The following DNM2 variants were observed in gnomAD, a reference collection of about 807,000 sequenced individuals.
DNM2 encodes dynamin 2.
DNM2 carries 15 observed loss-of-function variants against 99.0 expected under a neutral mutation model. The observed-to-expected ratio is 0.15, with a 90% confidence interval of 0.10 to 0.23. DNM2 has a LOEUF of 0.23. Ranked by LOEUF, DNM2 falls within the 10% of genes least tolerant of loss-of-function variation. DNM2 has a pLI of 1.00. For missense variants in DNM2, 742 were observed against 1,189.4 expected (o/e 0.62, Z 5.53); for synonymous variants, 525 against 481.2 (o/e 1.09, Z -1.19).
At chr19:10,751,673 G>A (rs1435363505) in intron 1 of DNM2, among the ~76,000 whole-genome samples, 3 of 152,200 alleles carry the variant, frequency 2.0e-5, no homozygotes, top group African/African-American at 4.8e-5. Context: ...AAGCAAAATC[G>A]GATAAGTCCC....
intron 2 of DNM2, among the ~76,000 whole-genome samples, chr19:10,761,811 G>A (rs559193457): frequency 6.6e-6 from 1 of 152,122 alleles, no homozygotes; most frequent in Non-Finnish European, 1.5e-5. Flanking sequence ...GCAAGAAGGC[G>A]TGTCTCCAGT....
At chr19:10,758,096 C>T (rs1243369654) in intron 1 of DNM2, among the ~76,000 whole-genome samples, 1 of 152,100 alleles carries the variant, frequency 6.6e-6, no homozygotes, top group Non-Finnish European at 1.5e-5. Context: ...TTTCATTTTC[C>T]TTTCTGAGTG....
At chr19:10,821,909 A>G (rs146528046) in intron 16 of DNM2, among the ~76,000 whole-genome samples, 2 of 152,318 alleles carry the variant, frequency 1.3e-5, no homozygotes, top group African/African-American at 4.8e-5. Flanking sequence ...AGGCAGCAGC[A>G]GGAAGGAGAG....
rs373161548 is a variant in DNM2, at chr19:10,831,026, C to G, written c.2592C>G (p.Ala864=). 2.5e-6 allele frequency: 4 copies of G among 1,610,920 alleles called. No individual in the cohort carries two copies. Among genetic ancestry groups the G allele is most frequent in the Admixed American group, 1.7e-5 (1 of 59,788 alleles). Reference sequence around the variant, plus strand: ...GCCGGCCCACCATTATCCGCCCAGCCGAGCCATCCCTGCTCGACTAGGCCT... The same window carrying G: ...GCCGGCCCACCATTATCCGCCCAGCGGAGCCATCCCTGCTCGACTAGGCCT... ...APSRPTIIRP[A]EPSLLD The change falls in exon 21 of 21, where the codon GCC becomes GCG. Residue 864 remains alanine (A), a synonymous_variant. Coordinates refer to ENST00000389253, the MANE Select transcript of DNM2 (RefSeq NM_001005361.3). The surrounding 1 kb of genome is among the most constrained non-coding windows in gnomAD (Gnocchi z 4.3).
intron 1 of DNM2, among the ~76,000 whole-genome samples, chr19:10,745,876 TGGA>T (rs1181381215): frequency 6.6e-6 from 1 of 152,158 alleles, no homozygotes; most frequent in Non-Finnish European, 1.5e-5. Flanking sequence ...TGGAAATACT[TGGA>T]GGAGATGAGA....
At chr19:10,722,623 G>A (rs1307239521) in intron 1 of DNM2, among the ~76,000 whole-genome samples, 3 of 151,976 alleles carry the variant, frequency 2.0e-5, no homozygotes, top group African/African-American at 7.3e-5. Flanking sequence ...GATTACAGGC[G>A]TGAGCCACCG....
intron 1 of DNM2, among the ~76,000 whole-genome samples, chr19:10,753,119 G>A: frequency 6.6e-6 from 1 of 152,162 alleles, no homozygotes; most frequent in East Asian, 1.9e-4. Flanking sequence ...GTGAGACCCT[G>A]TCTCTATTTA....
intron 1 of DNM2, among the ~76,000 whole-genome samples, chr19:10,752,152 T>C (rs1433070301): frequency 6.6e-6 from 1 of 152,112 alleles, no homozygotes; most frequent in Non-Finnish European, 1.5e-5. Flanking sequence ...AGGGAAGGAA[T>C]GTGAGCTGGT....
chr19:10,766,553 C>T (rs1269071007), intron 2 of DNM2, among the ~76,000 whole-genome samples: 1 of 152,002 alleles, frequency 6.6e-6, no homozygotes, highest in African/African-American at 2.4e-5. Flanking sequence ...TGATGTCCTC[C>T]TAGGTTAGAG....
Position 10,734,724 on chromosome 19 carries a change from T to A in DNM2, c.161+16321T>A, listed in dbSNP as rs535261312. ...CATATGAGACTAATTTAAAAAAAAATTTTTTTTTTTTATCGAGATGGGGGT... is the reference window on the plus strand; with the variant it reads ...CATATGAGACTAATTTAAAAAAAAAATTTTTTTTTTTATCGAGATGGGGGT... On this transcript the variant is annotated intron_variant, in intron 1 of 20. Transcript: ENST00000389253. Among the ~76,000 whole-genome samples the A allele has an allele frequency of 1.2e-3, 173 of 144,672 alleles. 1 individual carries two copies. The highest frequency in any genetic ancestry group is 1.9e-3 in the Admixed American group (27 of 14,304). 94.9% of individuals were successfully genotyped at this position (144,672 alleles called of 152,430 possible). A position where few individuals can be genotyped will look rare whatever the true frequency, so the allele number is the denominator to read the frequency against.
chr19:10,754,308 T>C (rs1456994803), intron 1 of DNM2, among the ~76,000 whole-genome samples: 1 of 150,978 alleles, frequency 6.6e-6, no homozygotes, highest in Non-Finnish European at 1.5e-5. Flanking sequence ...CAGGCTGGAG[T>C]GCAGTGGCGC....
chr19:10,768,582 G>A (rs953369951), intron 2 of DNM2: 8 of 152,344 alleles, frequency 5.3e-5, no homozygotes, highest in Admixed American at 2.0e-4. Context: ...TGGCTGCCTG[G>A]TTCCAGCCCC....
chr19:10,794,806 C>T (rs7253140), intron 8 of DNM2, among the ~76,000 whole-genome samples: 1 of 152,050 alleles, frequency 6.6e-6, no homozygotes, highest in Non-Finnish European at 1.5e-5. Context: ...GTGGTGCATA[C>T]TGATAGTCTG....
At chr19:10,824,740 T>G in intron 17 of DNM2, 1 of 396,226 alleles carries the variant, frequency 2.5e-6, no homozygotes, top group Non-Finnish European at 4.8e-6. Context: ...CCCTGGGAGG[T>G]TGAGGCTGCG....
chr19:10,831,004 G>T lies in DNM2; in HGVS notation c.2570G>T (p.Arg857Leu). The change falls in exon 21 of 21, where the codon CGG (arginine) becomes CTG (leucine). Residue 857 changes from arginine to leucine, a missense_variant. Around this residue, in one of 7 missense-constraint regions of DNM2, gnomAD observed 187 missense variants for 218.8 expected, o/e 0.85. Coordinates refer to ENST00000389253, the MANE Select transcript of DNM2 (RefSeq NM_001005361.3). This position sits in a 1 kb window ranked among gnomAD's most constrained non-coding sequence, Gnocchi z 4.3. ...AGAAGACCCCCTGCTGCGCCCAGCC[G>T]GCCCACCATTATCCGCCCAGCCGAG... ...PSRRPPAAPS[R>L]PTIIRPAEPS... 6.2e-7 allele frequency: 1 copy of T among 1,611,362 alleles called. No homozygotes were observed. Among genetic ancestry groups the T allele is most frequent in the Non-Finnish European group, 8.5e-7 (1 of 1,178,966 alleles).
rs949491843 is a variant in DNM2, at chr19:10,764,916, C to T, written c.235+5105C>T. On this transcript the variant is annotated intron_variant, in intron 2 of 20. Transcript: ENST00000389253. The surrounding 1 kb of genome is among the most constrained non-coding windows in gnomAD (Gnocchi z 4.1). ...CTGGTCACTTGCCGCCTTCGTTCCC[C>T]GGTCCCCGGCAGCACGAGTTATCCT... Among the ~76,000 whole-genome samples, 1 of 152,096 alleles carries T rather than the reference C, an allele frequency of 6.6e-6. No homozygotes were observed. The highest frequency in any genetic ancestry group is 1.5e-5 in the Non-Finnish European group (1 of 68,006).
chr19:10,746,069 G>A (rs576167166), intron 1 of DNM2, among the ~76,000 whole-genome samples: 31 of 151,118 alleles, frequency 2.1e-4, no homozygotes, highest in African/African-American at 5.6e-4. Flanking sequence ...AGCGATTCTC[G>A]TGCCTCAGCC....
chr19:10,757,943 C>G (rs930625900), intron 1 of DNM2, among the ~76,000 whole-genome samples: 3 of 65,420 alleles, frequency 4.6e-5, no homozygotes, highest in African/African-American at 1.4e-4. Context: ...AGCTCTGTCT[C>G]AAAAAAAAAA....
chr19:10,747,750 G>T (rs1481188812), intron 1 of DNM2, among the ~76,000 whole-genome samples: 2 of 152,162 alleles, frequency 1.3e-5, no homozygotes, highest in Non-Finnish European at 2.9e-5. Flanking sequence ...TTGAGGTGGG[G>T]GCAGGGACAG....
Sources: gnomAD v4.1 joint callset for allele counts (sites outside exome capture counted in the v4.1 genomes callset) on GRCh38, gnomAD v4.1.1 for gene constraint, gnomAD v4.1.1 regional missense constraint, Gnocchi (gnomAD v3.1) non-coding constraint, MANE v1.5 for transcripts, NCBI Gene and HGNC (gene_info 2026-07-23, HGNC 2026-07-21) for gene names.